The following BFSP1 variants were observed in gnomAD, a reference collection of about 807,000 sequenced individuals.
BFSP1 encodes the protein beaded filament structural protein 1.
In BFSP1, 38 loss-of-function variants were observed where a neutral mutation model predicts 43.9. The observed-to-expected ratio is 0.87, with a 90% CI of 0.67 to 1.14. BFSP1 has a LOEUF of 1.14. BFSP1 is among the 50% of genes most tolerant of loss of function. The pLI is 0.00. For synonymous variants in BFSP1, 352 were observed against 354.8 expected, an observed-to-expected ratio of 0.99 and a Z score of 0.09; for missense variants, 850 against 875.1, an observed-to-expected ratio of 0.97 and a Z score of 0.36.
chr20:17,523,484 G>A (rs1330303746), intron 2 of BFSP1, among the ~76,000 whole-genome samples: 1 of 151,916 alleles, frequency 6.6e-6, no homozygotes, highest in African/African-American at 2.4e-5. Context: ...TGAGCTACAG[G>A]TGTCAGCAGA....
chr20:17,556,041 TAAA>T (rs1273566944), intron 1 of BFSP1, among the ~76,000 whole-genome samples: 3 of 152,110 alleles, frequency 2.0e-5, no homozygotes, highest in African/African-American at 7.2e-5. Flanking sequence ...GAATAGATGG[TAAA>T]AATGACATTT....
chr20:17,552,441 C>T (rs1461603909), intron 1 of BFSP1, among the ~76,000 whole-genome samples: 3 of 152,092 alleles, frequency 2.0e-5, no homozygotes, highest in Non-Finnish European at 4.4e-5. Flanking sequence ...TACAAATCCT[C>T]CATAAGGATT....
At chr20:17,537,215 G>T (rs566207773) in intron 1 of BFSP1, among the ~76,000 whole-genome samples, 2 of 152,306 alleles carry the variant, frequency 1.3e-5, no homozygotes, top group Admixed American at 6.5e-5. Flanking sequence ...CAACTCAAAA[G>T]GTAAGTCAGC....
At chr20:17,517,079 A>C in intron 2 of BFSP1, 1 of 904,268 alleles carries the variant, frequency 1.1e-6, no homozygotes. Context: ...GTGCTAAGAA[A>C]AGGAAGAAGT....
At chr20:17,536,932 C>G (rs1264869348) in intron 1 of BFSP1, among the ~76,000 whole-genome samples, 1 of 152,156 alleles carries the variant, frequency 6.6e-6, no homozygotes, top group Non-Finnish European at 1.5e-5. Context: ...ATGTTGAAGT[C>G]CTAACTCCCT....
At chr20:17,550,380 A>G (rs1026309610) in intron 1 of BFSP1, among the ~76,000 whole-genome samples, 2 of 152,144 alleles carry the variant, frequency 1.3e-5, no homozygotes, top group Non-Finnish European at 2.9e-5. Context: ...TGACAGTGTC[A>G]CAAGATTTAT....
chr20:17,509,766 G>A (rs1276990541), intron 4 of BFSP1, among the ~76,000 whole-genome samples: 1 of 152,152 alleles, frequency 6.6e-6, no homozygotes, highest in African/African-American at 2.4e-5. Context: ...GGGAAGTGAC[G>A]CTCCAGGGAA....
chr20:17,564,618 T>G (rs910055588), intron 1 of BFSP1, among the ~76,000 whole-genome samples: 2 of 152,176 alleles, frequency 1.3e-5, no homozygotes, highest in African/African-American at 4.8e-5. Context: ...AGAAGGAGTC[T>G]TGCTCTGTCA....
At chr20:17,511,006 C>T (rs2123485688) in intron 4 of BFSP1, among the ~76,000 whole-genome samples, 1 of 152,248 alleles carries the variant, frequency 6.6e-6, no homozygotes, top group Admixed American at 6.5e-5. Flanking sequence ...GAGATGGGGT[C>T]TTGCTATGTT....
At position 17,525,008 on chromosome 20, in the gene BFSP1, C is replaced by A; in HGVS notation, c.378-100G>T. On this transcript the variant is annotated intron_variant, in intron 1 of 7. Transcript: ENST00000377873. The surrounding 1 kb of genome is among the most constrained non-coding windows in gnomAD (Gnocchi z 4.2). ...AAATTCAACCTGGGTACGATGCCCT[C>A]TCCTTTAAGGAGAGGGTCTTAATTT... is the stretch of plus-strand genomic sequence containing the variant. 5 of 1,039,958 alleles carry A rather than the reference C, an allele frequency of 4.8e-6. 1 individual carries two copies. The South Asian group carries it at 6.3e-5, about 13-fold the overall frequency. 64.4% of individuals were successfully genotyped at this position (1,039,958 alleles called of 1,614,324 possible).
At chr20:17,567,719 G>A (rs1262139811) in intron 1 of BFSP1, among the ~76,000 whole-genome samples, 1 of 152,054 alleles carries the variant, frequency 6.6e-6, no homozygotes, top group East Asian at 1.9e-4. Flanking sequence ...AAATTAGCCG[G>A]GTGTGGTGGC....
chr20:17,496,888 G>GT (rs757771284), intron 7 of BFSP1, 50 bp downstream of exon 7: 9 of 1,430,442 alleles, frequency 6.3e-6, no homozygotes, highest in South Asian at 2.7e-5. Flanking sequence ...GAGCCGCTTG[G>GT]TTTTTTTCAA....
At chr20:17,546,076 A>T (rs1441885305) in intron 1 of BFSP1, among the ~76,000 whole-genome samples, 1 of 152,218 alleles carries the variant, frequency 6.6e-6, no homozygotes, top group African/African-American at 2.4e-5. Flanking sequence ...AGACCACTGT[A>T]TTAGTCCATT....
intron 5 of BFSP1, among the ~76,000 whole-genome samples, chr20:17,501,920 C>T (rs919813548): frequency 5.9e-5 from 9 of 152,152 alleles, no homozygotes; most frequent in East Asian, 3.9e-4. Flanking sequence ...GACACATGAA[C>T]GGGTCTGAGG....
intron 2 of BFSP1, among the ~76,000 whole-genome samples, chr20:17,521,538 G>A (rs911474875): frequency 6.6e-6 from 1 of 152,210 alleles, no homozygotes; most frequent in Non-Finnish European, 1.5e-5. Context: ...TCTGATGTAA[G>A]AAAATACCCA....
chr20:17,558,889 G>A lies in BFSP1; in HGVS notation c.-200C>T, dbSNP rs1477384011. 1.4e-5 allele frequency: 9 copies of A among 627,262 alleles called. No homozygotes were observed. The East Asian group carries it at 1.8e-4, about 12-fold the overall frequency. 38.9% of individuals were successfully genotyped at this position (627,262 alleles called of 1,614,324 possible). A position where few individuals can be genotyped will look rare whatever the true frequency, so the allele number is the denominator to read the frequency against. On this transcript the variant is annotated 5_prime_UTR_variant, in exon 1 of 8. Transcript: ENST00000377868. ...AGTGACTCACTGGCTCAAGGGGTGG[G>A]AGGGAAGGCTTTCCACAGGATAGAG...
intron 5 of BFSP1, 77 bp from the exon 6 acceptor site, chr20:17,499,117 CT>C: frequency 7.7e-7 from 1 of 1,303,988 alleles, no homozygotes; most frequent in Non-Finnish European, 1.1e-6. Context: ...GAAAAGGAAC[CT>C]GGACTCGGTG....
intron 1 of BFSP1, among the ~76,000 whole-genome samples, chr20:17,558,127 G>C (rs183302136): frequency 4.4e-4 from 65 of 148,262 alleles, no homozygotes; most frequent in African/African-American, 1.5e-3. Flanking sequence ...GATGGGGGGG[G>C]GTTTTACTCA....
rs1255741824 is a variant in BFSP1 at position 17,494,588 on chromosome 20, A to G, written c.1484T>C (p.Val495Ala). The G allele has an allele frequency of 6.2e-7, 1 of 1,613,976 alleles. No individual in the cohort carries two copies. Among genetic ancestry groups the G allele is most frequent in the Admixed American group, 1.7e-5 (1 of 60,002 alleles). Residue 495 changes from valine to alanine, a missense_variant, in exon 8 of 8, where the codon GTG becomes GCG. Physicochemically the swap from Val to Ala is moderately conservative, Grantham distance 64. Coordinates refer to ENST00000377873, the MANE Select transcript of BFSP1 (RefSeq NM_001195.5). ...AGAGTCTTCCGCAACAGAAACAGCCACCCCACCTTTAGCTGTGATGGAGGA... is the reference window on the plus strand; with the variant it reads ...AGAGTCTTCCGCAACAGAAACAGCCGCCCCACCTTTAGCTGTGATGGAGGA... The part of the protein sequence containing the change: ...YVSSITAKGG[V>A]AVSVAEDSVL...
Sources: gnomAD v4.1 joint callset for allele counts (sites outside exome capture counted in the v4.1 genomes callset) on GRCh38, gnomAD v4.1.1 for gene constraint, Gnocchi (gnomAD v3.1) non-coding constraint, MANE v1.5 for transcripts, NCBI Gene and HGNC (gene_info 2026-07-23, HGNC 2026-07-21) for gene names.